The following ERBIN variants were observed in gnomAD, a reference collection of about 807,000 sequenced individuals.
ERBIN encodes the protein erbb2 interacting protein, also known as densin-180-like protein.
Under a neutral mutation model 158.4 loss-of-function variants are expected in ERBIN, and 60 were observed. The observed-to-expected ratio is 0.38, with a 90% confidence interval of 0.31 to 0.47. ERBIN has a LOEUF of 0.47. ERBIN is among the 20% of genes least tolerant of loss of function. The pLI, the probability that ERBIN is intolerant of heterozygous loss-of-function variation, is 0.99. For synonymous variants in ERBIN, 594 were observed against 557.2 expected (o/e 1.07, Z -0.93); for missense variants, 1,610 against 1,648.0 (o/e 0.98, Z 0.40).
chr5:66,043,530 G>A (rs764452107), intron 16 of ERBIN, among the ~76,000 whole-genome samples: 1 of 151,818 alleles, frequency 6.6e-6, no homozygotes, highest in East Asian at 1.9e-4. Flanking sequence ...CACCATATTC[G>A]TAATGATTAT....
chr5:65,995,449 A>G (rs1263867980), intron 4 of ERBIN, among the ~76,000 whole-genome samples: 2 of 151,416 alleles, frequency 1.3e-5, no homozygotes, highest in Non-Finnish European at 2.9e-5. Context: ...GTTATTGCAA[A>G]TTAACAGGGT....
intron 1 of ERBIN, among the ~76,000 whole-genome samples, chr5:65,980,736 CGT>C (rs1750564627): frequency 6.6e-6 from 1 of 151,766 alleles, no homozygotes; most frequent in African/African-American, 2.4e-5. Context: ...AAAAAAACCT[CGT>C]AATGTGAGAA....
chr5:66,030,710 A>T (rs1245854695), intron 14 of ERBIN, among the ~76,000 whole-genome samples: 12 of 151,844 alleles, frequency 7.9e-5, no homozygotes, highest in African/African-American at 2.9e-4. Context: ...CCACAGGTAC[A>T]TGTCACCATG....
chr5:65,940,489 G>A (rs866258913), intron 1 of ERBIN, among the ~76,000 whole-genome samples: 2 of 38,168 alleles, frequency 5.2e-5, no homozygotes, highest in African/African-American at 1.6e-4. Flanking sequence ...CCCCCCCCCC[G>A]GCCAGCCGCC....
chr5:65,955,930 C>G (rs760341514), intron 1 of ERBIN, among the ~76,000 whole-genome samples: 5 of 152,164 alleles, frequency 3.3e-5, no homozygotes, highest in Admixed American at 2.0e-4. Context: ...ATGAATTATC[C>G]CTTTGTTTAC....
chr5:66,077,201 C>A (rs1404808815), intron 25 of ERBIN, among the ~76,000 whole-genome samples: 2 of 150,902 alleles, frequency 1.3e-5, no homozygotes, highest in Non-Finnish European at 2.9e-5. Context: ...TGTTTAAGCT[C>A]AGGAATGTTA....
intron 1 of ERBIN, among the ~76,000 whole-genome samples, chr5:65,957,610 A>G (rs1209855295): frequency 1.3e-5 from 2 of 152,208 alleles, no homozygotes; most frequent in Non-Finnish European, 2.9e-5. Flanking sequence ...TCCCATGTCT[A>G]CTTCTTTCCA....
intron 21 of ERBIN, among the ~76,000 whole-genome samples, chr5:66,062,633 T>C (rs531379726): frequency 6.6e-6 from 1 of 152,296 alleles, no homozygotes; most frequent in South Asian, 2.1e-4. Context: ...TTGTAGTTTC[T>C]GGTTTTTCTG....
intron 4 of ERBIN, among the ~76,000 whole-genome samples, chr5:66,000,510 A>T (rs546662384): frequency 6.6e-6 from 1 of 152,194 alleles, no homozygotes; most frequent in African/African-American, 2.4e-5. Flanking sequence ...TCAACCTGTG[A>T]ATGTTTTTGA....
chr5:65,977,646 GGGCAGAGA>G (rs1750127709), intron 1 of ERBIN, among the ~76,000 whole-genome samples: 1 of 151,374 alleles, frequency 6.6e-6, no homozygotes, highest in African/African-American at 2.4e-5. Flanking sequence ...GATGGTGGCC[GGGCAGAGA>G]CGCTCCTCAC....
At chr5:65,938,371 C>CTTTTTTTT (rs4019046) in intron 1 of ERBIN, among the ~76,000 whole-genome samples, 2 of 121,644 alleles carry the variant, frequency 1.6e-5, no homozygotes, top group Non-Finnish European at 3.5e-5. Flanking sequence ...AGGCATAGGT[C>CTTTTTTTT]TTTTTTTTTT....
intron 13 of ERBIN, among the ~76,000 whole-genome samples, chr5:66,027,665 G>A (rs73763070): frequency 0.04 from 6,131 of 151,952 alleles, 421 homozygotes; most frequent in African/African-American, 0.14. Flanking sequence ...ATATATGGGG[G>A]GATGTGCATA....
At chr5:66,008,176 G>A (rs575484812) in intron 4 of ERBIN, among the ~76,000 whole-genome samples, 23 of 152,248 alleles carry the variant, frequency 1.5e-4, no homozygotes, top group African/African-American at 4.8e-4. Flanking sequence ...CCCAACACTG[G>A]GAGGCTGAGG....
At chr5:65,998,710 G>A (rs116631354) in intron 4 of ERBIN, among the ~76,000 whole-genome samples, 6,078 of 151,546 alleles carry the variant, frequency 0.04, 406 homozygotes, top group African/African-American at 0.14. Context: ...CAGCCTGGGC[G>A]ACATAGCAAA....
rs753374680 is a variant in ERBIN, at chr5:66,082,126, T to G, written c.*3596T>G. On this transcript the variant is annotated 3_prime_UTR_variant, in exon 26 of 26. Transcript: ENST00000284037. Reference sequence around the variant, plus strand: ...GTCTCATGAAGCAGTTTTTCAAGATTAGAATCTGTGGTCAGCTATAACGTA... The same window carrying G: ...GTCTCATGAAGCAGTTTTTCAAGATGAGAATCTGTGGTCAGCTATAACGTA... 3.9e-5 allele frequency: 6 copies of G among 152,218 alleles called. No homozygotes were observed. Among genetic ancestry groups the G allele is most frequent in the Non-Finnish European group, 8.8e-5 (6 of 68,040 alleles). The allele number at this position is 152,218 out of a possible 1,614,324, so 9.4% of individuals were successfully genotyped here. A position where few individuals can be genotyped will look rare whatever the true frequency, so the allele number is the denominator to read the frequency against.
At chr5:65,946,670 G>A (rs1745786716) in intron 1 of ERBIN, among the ~76,000 whole-genome samples, 1 of 152,132 alleles carries the variant, frequency 6.6e-6, no homozygotes, top group Non-Finnish European at 1.5e-5. Flanking sequence ...TTGCTGCGGT[G>A]TATCGGATAG....
chr5:65,994,931 A>G, intron 4 of ERBIN, 67 bp downstream of exon 4: 1 of 905,436 alleles, frequency 1.1e-6, no homozygotes, highest in South Asian at 1.5e-5. Flanking sequence ...ATTTCTATTG[A>G]GTTTTCAAAA....
chr5:65,946,847 T>C (rs902615677), intron 1 of ERBIN, among the ~76,000 whole-genome samples: 1 of 151,788 alleles, frequency 6.6e-6, no homozygotes, highest in South Asian at 2.1e-4. Context: ...GTATATCTCA[T>C]CATGGTATTT....
At chr5:65,933,899 C>G (rs1216862621) in intron 1 of ERBIN, among the ~76,000 whole-genome samples, 1 of 152,050 alleles carries the variant, frequency 6.6e-6, no homozygotes, top group Non-Finnish European at 1.5e-5. Flanking sequence ...GTCGTCATCC[C>G]TAAATATATA....
Sources: gnomAD v4.1 joint callset for allele counts (sites outside exome capture counted in the v4.1 genomes callset) on GRCh38, gnomAD v4.1.1 for gene constraint, MANE v1.5 for transcripts, NCBI Gene and HGNC (gene_info 2026-07-23, HGNC 2026-07-21) for gene names.